Variants in PHF24 observed in about 807,000 individuals in gnomAD.
PHF24 encodes the protein PHD finger protein 24.
Under a neutral mutation model 42.6 loss-of-function variants are expected in PHF24, and 25 were observed. That is an observed-to-expected ratio of 0.59 (90% CI 0.43 to 0.82). The LOEUF (loss-of-function observed/expected upper bound fraction) is 0.82, where lower values mean the gene tolerates loss of function less well. PHF24 is among the 40% of genes least tolerant of loss of function. The probability of loss-of-function intolerance (pLI) is 0.00; values close to 1 mark genes in which losing one functional copy is unlikely to be tolerated. For synonymous variants in PHF24, 185 were observed against 204.8 expected, an observed-to-expected ratio of 0.90 and a Z score of 0.83; for missense variants, 470 against 538.1, an observed-to-expected ratio of 0.87 and a Z score of 1.25.
At chr9:34,682,098 C>T in the PHF24 span, among the ~76,000 whole-genome samples, 3 of 143,958 alleles carry the variant, frequency 2.1e-5, no homozygotes, top group Non-Finnish European at 4.6e-5. Flanking sequence ...GCTCAGCTTC[C>T]CAAGTAACTG....
chr9:34,875,936 A>ACTCTCTCTCT, the PHF24 span, among the ~76,000 whole-genome samples: 371 of 87,426 alleles, frequency 4.2e-3, no homozygotes, highest in South Asian at 6.0e-3. Context: ...ACACACACAC[A>ACTCTCTCTCT]CACACACACA....
upstream of PHF24, among the ~76,000 whole-genome samples, chr9:34,958,001 G>A (rs1430472564): frequency 1.3e-5 from 2 of 151,174 alleles, no homozygotes; most frequent in East Asian, 3.9e-4. This position sits in a 1 kb window ranked among gnomAD's most constrained non-coding sequence, Gnocchi z 4.5. Flanking sequence ...GGGCACCTGG[G>A]CCGTCTGCTC....
At chr9:34,811,137 T>G in the PHF24 span, among the ~76,000 whole-genome samples, 1 of 152,348 alleles carries the variant, frequency 6.6e-6, no homozygotes, top group African/African-American at 2.4e-5. Flanking sequence ...AAATGAGATT[T>G]AGAAAGATTA....
At chr9:34,843,381 A>C in the PHF24 span, among the ~76,000 whole-genome samples, 2 of 152,212 alleles carry the variant, frequency 1.3e-5, no homozygotes, top group East Asian at 1.9e-4. Context: ...AATTGTAACA[A>C]GTTAAAAAAA....
the PHF24 span, among the ~76,000 whole-genome samples, chr9:34,904,798 G>GGTA: frequency 3.4e-5 from 4 of 115,972 alleles, no homozygotes; most frequent in South Asian, 3.1e-4. Flanking sequence ...CAAAAGGATT[G>GGTA]CTTGTTAGTG....
the PHF24 span, chr9:34,723,294 G>A: frequency 5.2e-6 from 8 of 1,551,580 alleles, no homozygotes; most frequent in South Asian, 1.2e-5. Flanking sequence ...GGGCAGTGGC[G>A]GGGGTAGCCC....
At chr9:34,879,371 T>C in the PHF24 span, among the ~76,000 whole-genome samples, 390 of 152,072 alleles carry the variant, frequency 2.6e-3, no homozygotes, top group African/African-American at 8.7e-3. Context: ...CTTTGATGAG[T>C]TGAGAGAAGA....
chr9:34,977,046 T>C (rs1441549668), intron 5 of PHF24, 37 bp from the exon 6 acceptor site: 6 of 1,544,954 alleles, frequency 3.9e-6, no homozygotes, highest in South Asian at 2.4e-5. Context: ...GTTTACAAGA[T>C]ATCTTCACCT....
At chr9:34,967,313 C>T (rs1826811557) in intron 1 of PHF24, among the ~76,000 whole-genome samples, 1 of 152,164 alleles carries the variant, frequency 6.6e-6, no homozygotes, top group Non-Finnish European at 1.5e-5. Context: ...TTCAGAGAGT[C>T]ACTATCAGGG....
chr9:34,720,651 C>G, the PHF24 span, among the ~76,000 whole-genome samples: 1 of 152,034 alleles, frequency 6.6e-6, no homozygotes, highest in Admixed American at 6.6e-5. Flanking sequence ...CTTCCCAATC[C>G]TCTCATCCCA....
chr9:34,976,011 A>G (rs997758421), intron 3 of PHF24, 141 bp from the exon 4 acceptor site: 30 of 654,682 alleles, frequency 4.6e-5, no homozygotes, highest in Non-Finnish European at 5.8e-5. Flanking sequence ...TGGGGCCTCA[A>G]TCTCATTGAT....
chr9:34,874,448 G>GGAGT, the PHF24 span, among the ~76,000 whole-genome samples: 10 of 152,188 alleles, frequency 6.6e-5, no homozygotes, highest in South Asian at 4.1e-4. Flanking sequence ...ACCTCTTTCT[G>GGAGT]GAGTTTCTTA....
chr9:34,910,873 AG>A, the PHF24 span, among the ~76,000 whole-genome samples: 1 of 151,466 alleles, frequency 6.6e-6, no homozygotes, highest in African/African-American at 2.4e-5. Flanking sequence ...CCCAGGCTGG[AG>A]TGCAGTGGCA....
chr9:34,898,133 A>G, the PHF24 span, among the ~76,000 whole-genome samples: 4 of 152,208 alleles, frequency 2.6e-5, no homozygotes, highest in Non-Finnish European at 4.4e-5. Context: ...TGCTATAAAC[A>G]TGCACGTGCA....
At chr9:34,720,083 C>T in the PHF24 span, among the ~76,000 whole-genome samples, 1 of 152,248 alleles carries the variant, frequency 6.6e-6, no homozygotes, top group Admixed American at 6.5e-5. Flanking sequence ...CCTCCTCCTC[C>T]TAGTGATGAG....
At chr9:34,937,389 C>G in the PHF24 span, among the ~76,000 whole-genome samples, 44 of 152,224 alleles carry the variant, frequency 2.9e-4, no homozygotes, top group East Asian at 6.4e-3. Context: ...TGTGTCCACT[C>G]AGGGTTGAAT....
At chr9:34,715,343 A>G in the PHF24 span, among the ~76,000 whole-genome samples, 3 of 152,046 alleles carry the variant, frequency 2.0e-5, no homozygotes, top group Admixed American at 6.5e-5. Flanking sequence ...TGGGACCCCA[A>G]GTCTTCTGAG....
At chr9:34,683,360 C>T in the PHF24 span, among the ~76,000 whole-genome samples, 4 of 152,306 alleles carry the variant, frequency 2.6e-5, no homozygotes, top group East Asian at 7.7e-4. Context: ...CATGCCCGGC[C>T]AAAATATATA....
the PHF24 span, among the ~76,000 whole-genome samples, chr9:34,719,406 GGAAGATA>G: frequency 6.6e-6 from 1 of 152,152 alleles, no homozygotes; most frequent in East Asian, 1.9e-4. Context: ...TTCACCCTGG[GGAAGATA>G]GAAGGTGGGG....
Sources: allele counts gnomAD v4.1 joint callset (sites outside exome capture counted in the v4.1 genomes callset), GRCh38; gene constraint gnomAD v4.1.1; non-coding constraint Gnocchi (gnomAD v3.1); transcripts MANE v1.5; gene names NCBI Gene and HGNC (gene_info 2026-07-23, HGNC 2026-07-21).